The following FTO variants were observed in gnomAD, a reference collection of about 807,000 sequenced individuals.
FTO encodes the protein alpha-ketoglutarate-dependent dioxygenase FTO.
A neutral mutation model predicts 63.9 loss-of-function variants in FTO; 47 were observed. That is an observed-to-expected ratio of 0.74 (90% confidence interval 0.58 to 0.94). The LOEUF (loss-of-function observed/expected upper bound fraction) is 0.94. FTO is among the 40% of genes least tolerant of loss of function. The probability of loss-of-function intolerance (pLI) is 0.00; values close to 1 mark genes in which losing one functional copy is unlikely to be tolerated. For synonymous variants in FTO, 207 were observed against 224.4 expected (o/e 0.92, Z 0.69); for missense variants, 562 against 618.1 (o/e 0.91, Z 0.96).
chr16:53,849,388 A>G (rs2079722401), intron 4 of FTO, among the ~76,000 whole-genome samples: 1 of 152,212 alleles, frequency 6.6e-6, no homozygotes, highest in African/African-American at 2.4e-5. Flanking sequence ...ACTGGGTGAT[A>G]GAAGAATGCT....
chr16:53,882,750 G>C (rs923947780), intron 6 of FTO, among the ~76,000 whole-genome samples: 1 of 152,156 alleles, frequency 6.6e-6, no homozygotes, highest in African/African-American at 2.4e-5. Flanking sequence ...GAAGAGTTTT[G>C]AGCAAAAGGA....
chr16:53,968,870 G>T (rs2083254199), intron 8 of FTO, among the ~76,000 whole-genome samples: 1 of 152,154 alleles, frequency 6.6e-6, no homozygotes, highest in Non-Finnish European at 1.5e-5. Context: ...GTTGTTATGT[G>T]ATCATGAAGC....
intron 6 of FTO, among the ~76,000 whole-genome samples, chr16:53,886,393 T>C (rs1468747979): frequency 6.6e-6 from 1 of 152,236 alleles, no homozygotes; most frequent in Non-Finnish European, 1.5e-5. Flanking sequence ...GATGTTTTGC[T>C]AACAGGCTCT....
chr16:53,841,866 A>G (rs981439736), intron 3 of FTO, among the ~76,000 whole-genome samples: 1 of 152,166 alleles, frequency 6.6e-6, no homozygotes, highest in African/African-American at 2.4e-5. Context: ...CTGCCAGTCT[A>G]AACACTGTTG....
intron 1 of FTO, among the ~76,000 whole-genome samples, chr16:53,776,768 T>C (rs2077470496): frequency 6.6e-6 from 1 of 152,196 alleles, no homozygotes; most frequent in African/African-American, 2.4e-5. Flanking sequence ...TACTTTTTTG[T>C]TTAGTTGTTG....
At chr16:54,058,402 C>T (rs1016731709) in intron 8 of FTO, among the ~76,000 whole-genome samples, 7 of 152,302 alleles carry the variant, frequency 4.6e-5, no homozygotes, top group Admixed American at 2.0e-4. Context: ...GGATTACAGG[C>T]GTGAGCCACC....
chr16:53,816,849 G>A (rs567401970), intron 2 of FTO, among the ~76,000 whole-genome samples: 2 of 152,286 alleles, frequency 1.3e-5, no homozygotes, highest in African/African-American at 4.8e-5. Context: ...TAGGACATGA[G>A]CTTCTAGAGA....
intron 1 of FTO, among the ~76,000 whole-genome samples, chr16:53,756,713 G>A (rs1017759550): frequency 2.0e-5 from 3 of 152,220 alleles, no homozygotes; most frequent in African/African-American, 7.2e-5. Flanking sequence ...AACTAAGAGA[G>A]AGGTTTTCTG....
rs180683846 is a variant in FTO, at chr16:53,936,594, A to G, written c.1364+2485A>G. ...GTGCTTACTAAGCAGCCTGTGTTTT[A>G]GAGATTGGCCTATTGTGTACTTCGG... On this transcript the variant is annotated intron_variant, in intron 8 of 8. Coordinates refer to ENST00000471389, the MANE Select transcript of FTO (RefSeq NM_001080432.3). 1.4e-3 allele frequency among the ~76,000 whole-genome samples: 207 copies of G among 152,360 alleles called. 2 individuals are homozygous for G. The South Asian group carries it at 0.015, about 11-fold the overall frequency.
chr16:53,724,669 C>T (rs2076112522), intron 1 of FTO, among the ~76,000 whole-genome samples: 1 of 152,110 alleles, frequency 6.6e-6, no homozygotes, highest in Non-Finnish European at 1.5e-5. Flanking sequence ...GCCATTATTC[C>T]CCCCAGTAAG....
chr16:53,835,291 C>G (rs1364359305), intron 3 of FTO, among the ~76,000 whole-genome samples: 3 of 152,188 alleles, frequency 2.0e-5, no homozygotes, highest in African/African-American at 7.2e-5. Flanking sequence ...CTTTACTTCT[C>G]TCTTTTGTGA....
intron 8 of FTO, among the ~76,000 whole-genome samples, chr16:54,075,676 G>A (rs2144485026): frequency 6.6e-6 from 1 of 152,278 alleles, no homozygotes; most frequent in African/African-American, 2.4e-5. Context: ...GTGATGACAA[G>A]CTTTTCTTTT....
intron 8 of FTO, among the ~76,000 whole-genome samples, chr16:54,096,508 C>CGTG (rs1201924571): frequency 6.6e-6 from 1 of 152,200 alleles, no homozygotes; most frequent in African/African-American, 2.4e-5. Context: ...AATGAAGCGG[C>CGTG]AGCTTAAAGA....
At chr16:53,967,730 AGACT>A (rs1555498903) in intron 8 of FTO, among the ~76,000 whole-genome samples, 1 of 152,252 alleles carries the variant, frequency 6.6e-6, no homozygotes, top group Non-Finnish European at 1.5e-5. Flanking sequence ...AAAGGCAGAA[AGACT>A]AAACGAAGTA....
chr16:53,892,609 C>T (rs1165936725), intron 7 of FTO, among the ~76,000 whole-genome samples: 1 of 151,890 alleles, frequency 6.6e-6, no homozygotes, highest in African/African-American at 2.4e-5. Context: ...ATTGTAAAAT[C>T]GTGCGTGTTG....
chr16:54,108,257 C>A (rs1412459866), intron 8 of FTO, among the ~76,000 whole-genome samples: 1 of 152,178 alleles, frequency 6.6e-6, no homozygotes, highest in African/African-American at 2.4e-5. Flanking sequence ...AACTTTATTT[C>A]CTGTAAATAC....
chr16:53,874,587 TG>T (rs2080593854), intron 5 of FTO, among the ~76,000 whole-genome samples: 1 of 152,190 alleles, frequency 6.6e-6, no homozygotes, highest in Non-Finnish European at 1.5e-5. Context: ...TGACCTTTCA[TG>T]GAACTACAGG....
At chr16:53,888,262 G>A (rs1345809872) in intron 6 of FTO, among the ~76,000 whole-genome samples, 2 of 141,700 alleles carry the variant, frequency 1.4e-5, no homozygotes. Context: ...GGAATGCAGT[G>A]GCACAATTAT....
At chr16:53,923,850 A>G in intron 7 of FTO, among the ~76,000 whole-genome samples, 1 of 151,956 alleles carries the variant, frequency 6.6e-6, no homozygotes, top group East Asian at 2.0e-4. Flanking sequence ...TGAACATTCC[A>G]GCGGTCGCCC....
Sources: gnomAD v4.1 joint callset for allele counts (sites outside exome capture counted in the v4.1 genomes callset) on GRCh38, gnomAD v4.1.1 for gene constraint, MANE v1.5 for transcripts, NCBI Gene and HGNC (gene_info 2026-07-23, HGNC 2026-07-21) for gene names.